The following SPEG variants were observed in gnomAD, a reference collection of about 807,000 sequenced individuals.
The protein encoded by SPEG is striated muscle enriched protein kinase.
Under a neutral mutation model 300.4 loss-of-function variants are expected in SPEG, and 114 were observed. That is an observed-to-expected ratio of 0.38 (90% confidence interval 0.33 to 0.44). The LOEUF is 0.44. Among genes scored for constraint, SPEG ranks in the 20% least tolerant of loss-of-function variants. The probability of loss-of-function intolerance (pLI) is 1.00; values close to 1 mark genes in which losing one functional copy is unlikely to be tolerated. For synonymous variants in SPEG, 1,964 were observed against 2,018.9 expected (o/e 0.97, Z 0.73); for missense variants, 4,201 against 4,586.2 (o/e 0.92, Z 2.43).
In SPEG at chr2:219,481,335, A is replaced by C; in HGVS notation, c.5401A>C (p.Asn1801His). The change falls in exon 27 of 41, where the codon AAT (asparagine) becomes CAT (histidine). Residue 1801 changes from asparagine (N) to histidine (H), a missense_variant. Physicochemically the swap from Asn to His is moderately conservative, Grantham distance 68. Coordinates refer to ENST00000312358, the MANE Select transcript of SPEG (RefSeq NM_005876.5). This position sits in a 1 kb window ranked among gnomAD's most constrained non-coding sequence, Gnocchi z 5.4. ...AGGAATCTCCCCGTTTGTTGGGGAA[A>C]ATGACCGGACAACATTGATGAACAT... ...LTGISPFVGENDRTTLMNIRN... is the reference protein window; with the variant it reads ...LTGISPFVGEHDRTTLMNIRN... The C allele has an allele frequency of 6.2e-7, 1 of 1,614,138 alleles. No individual in the cohort carries two copies.
intron 6 of SPEG, chr2:219,460,828 C>T: frequency 1.0e-6 from 1 of 986,224 alleles, no homozygotes; most frequent in African/African-American, 1.7e-5. Flanking sequence ...CGTGCAGGGC[C>T]TCAGCTGGGT....
rs1692050384 is a variant in SPEG at position 219,473,241 on chromosome 2, C to T, written c.4147+145C>T. Reference sequence around the variant, plus strand: ...GGCGGGACCTTGGCCCATCTGTACACTTCCTTCTCCCTCCTGAAAGCAGCA... The same window carrying T: ...GGCGGGACCTTGGCCCATCTGTACATTTCCTTCTCCCTCCTGAAAGCAGCA... On this transcript the variant is annotated intron_variant, in intron 16 of 40. Transcript: ENST00000312358. The surrounding 1 kb of genome is among the most constrained non-coding windows in gnomAD (Gnocchi z 4.6). 2 of 827,798 alleles carry T rather than the reference C, an allele frequency of 2.4e-6. No homozygotes were observed. Among genetic ancestry groups the T allele is most frequent in the Non-Finnish European group, 1.9e-6 (1 of 535,646 alleles). 51.3% of individuals were successfully genotyped at this position (827,798 alleles called of 1,614,324 possible).
At chr2:219,446,051 T>A (rs1575048435) in intron 3 of SPEG, among the ~76,000 whole-genome samples, 2 of 146,296 alleles carry the variant, frequency 1.4e-5, no homozygotes, top group Non-Finnish European at 3.0e-5. Context: ...TTGTGATGGG[T>A]ATGGGTGTGG....
chr2:219,475,681 T>C (rs1692272311), intron 18 of SPEG, among the ~76,000 whole-genome samples: 1 of 152,204 alleles, frequency 6.6e-6, no homozygotes, highest in South Asian at 2.1e-4. Context: ...GCCCTGAAGT[T>C]TGGGGAGCCC....
chr2:219,441,622 C>G (rs193233320), intron 1 of SPEG: 1 of 469,396 alleles, frequency 2.1e-6, no homozygotes, highest in African/African-American at 2.0e-5. Context: ...CTGCGCTGGG[C>G]TGCCAGAAAG....
At chr2:219,463,748 T>C (rs186157917) in intron 8 of SPEG, among the ~76,000 whole-genome samples, 5 of 151,908 alleles carry the variant, frequency 3.3e-5, no homozygotes, top group Admixed American at 3.3e-4. Context: ...TTTTTTCATA[T>C]CCCTTTTGGG....
intron 1 of SPEG, among the ~76,000 whole-genome samples, chr2:219,441,250 C>G (rs1008334094): frequency 2.0e-5 from 3 of 152,190 alleles, no homozygotes; most frequent in African/African-American, 7.2e-5. Flanking sequence ...TGATTGAGAA[C>G]ACTGGCCAAC....
chr2:219,452,752 GACATGCCAAGAGGGGGA>G (rs1207842635), intron 6 of SPEG, among the ~76,000 whole-genome samples: 1 of 152,160 alleles, frequency 6.6e-6, no homozygotes, highest in Non-Finnish European at 1.5e-5. Flanking sequence ...GGGAAGGCGG[GACATGCCAAGAGGGGGA>G]ACAGCACATG....
chr2:219,476,701 T>A (rs1692374336), intron 18 of SPEG, among the ~76,000 whole-genome samples, 169 bp from the exon 19 acceptor site: 1 of 146,142 alleles, frequency 6.8e-6, no homozygotes, highest in East Asian at 2.1e-4. Context: ...GGCAGGGAAC[T>A]CTGTTGTCCC....
chr2:219,451,323 G>C lies in SPEG; in HGVS notation c.2257+44G>C. The C allele has an allele frequency of 6.4e-7, 1 of 1,560,934 alleles. No individual in the cohort carries two copies. Among genetic ancestry groups the C allele is most frequent in the Non-Finnish European group, 8.6e-7 (1 of 1,156,322 alleles). ...CCAAGGTGCGGTCGAGGTTGGGAGGGGGTGTGTGAGAAGGGAAGGGGAGGT... is the reference window on the plus strand; with the variant it reads ...CCAAGGTGCGGTCGAGGTTGGGAGGCGGTGTGTGAGAAGGGAAGGGGAGGT... On this transcript the variant is annotated intron_variant, in intron 5 of 40. Transcript: ENST00000312358. This position sits in a 1 kb window ranked among gnomAD's most constrained non-coding sequence, Gnocchi z 6.4.
At chr2:219,455,522 C>A (rs886288300) in intron 6 of SPEG, among the ~76,000 whole-genome samples, 3 of 152,148 alleles carry the variant, frequency 2.0e-5, no homozygotes, top group Admixed American at 6.5e-5. Flanking sequence ...TGGCTGCCTT[C>A]TTGGGATGGT....
Position 219,444,637 on chromosome 2 carries a change from AC to A in SPEG, c.389-12del. The A allele has an allele frequency of 6.2e-7, 1 of 1,607,880 alleles. No individual in the cohort carries two copies. The highest frequency in any genetic ancestry group is 8.5e-7 in the Non-Finnish European group (1 of 1,174,516). On this transcript the variant is annotated splice_polypyrimidine_tract_variant and intron_variant, in intron 1 of 40. Transcript: ENST00000312358. This position sits in a 1 kb window ranked among gnomAD's most constrained non-coding sequence, Gnocchi z 7.8. ...AGGGAGGAGGGCCCTGCCCACACAGACCCCTTCTTCTCCAGACTCAGAGACG... is the reference window on the plus strand; with the variant it reads ...AGGGAGGAGGGCCCTGCCCACACAGACCCTTCTTCTCCAGACTCAGAGACG...
At chr2:219,485,517 C>A (rs765411168) in intron 31 of SPEG, 40 bp downstream of exon 31, 1 of 1,508,554 alleles carries the variant, frequency 6.6e-7, no homozygotes, top group Admixed American at 2.2e-5. Context: ...TCCTCCCCTC[C>A]TGCCCTCCCC....
Position 219,488,489 on chromosome 2 carries a change from T to C in SPEG, c.7859-9T>C. 1 of 1,559,066 alleles carries C rather than the reference T, an allele frequency of 6.4e-7. No homozygotes were observed. Among genetic ancestry groups the C allele is most frequent in the South Asian group, 1.2e-5 (1 of 82,704 alleles). ...CTCAGCAGCAACTCCTGCTCCTCCC[T>C]GTCCCCAGACAAGAAGTCCTTGAGG... On this transcript the variant is annotated splice_polypyrimidine_tract_variant and intron_variant, in intron 32 of 40. Coordinates refer to ENST00000312358, the MANE Select transcript of SPEG (RefSeq NM_005876.5).
In SPEG at chr2:219,485,334, G is replaced by A; in HGVS notation, c.7610-12G>A. The A allele has an allele frequency of 6.2e-7, 1 of 1,602,696 alleles. No homozygotes were observed. On this transcript the variant is annotated splice_polypyrimidine_tract_variant and intron_variant, in intron 30 of 40. Coordinates refer to ENST00000312358, the MANE Select transcript of SPEG (RefSeq NM_005876.5). ...TGACTGAACAAATACTCACGGGCCT[G>A]AGTCTTCACAGCCCCAGGGGAAAGC...
chr2:219,483,759 C>T lies in SPEG; in HGVS notation c.6296C>T (p.Ala2099Val). The change falls in exon 30 of 41, where the codon GCT (alanine) becomes GTT (valine). Residue 2099 changes from alanine to valine, a missense_variant. By Grantham distance (64) the Ala-to-Val change is moderately conservative. Coordinates refer to ENST00000312358, the MANE Select transcript of SPEG (RefSeq NM_005876.5). Reference sequence around the variant, plus strand: ...CTGCTGGAGAGCCTGGGGGGCCGTGCTCGGGACCCCCGGATGGCACGAGCT... The same window carrying T: ...CTGCTGGAGAGCCTGGGGGGCCGTGTTCGGGACCCCCGGATGGCACGAGCT... ...GPLLESLGGR[A>V]RDPRMARAAS... The T allele has an allele frequency of 6.5e-7, 1 of 1,545,944 alleles. No homozygotes were observed. Among genetic ancestry groups the T allele is most frequent in the Non-Finnish European group, 8.7e-7 (1 of 1,152,904 alleles).
At chr2:219,436,399 C>G (rs555911711) in intron 1 of SPEG, among the ~76,000 whole-genome samples, 16 of 152,376 alleles carry the variant, frequency 1.1e-4, no homozygotes, top group African/African-American at 3.6e-4. Flanking sequence ...CTTGGGCAGG[C>G]TGCGCCTTGA....
intron 6 of SPEG, among the ~76,000 whole-genome samples, chr2:219,454,446 C>T (rs1479706568): frequency 2.6e-5 from 4 of 152,208 alleles, no homozygotes; most frequent in Non-Finnish European, 4.4e-5. Context: ...CCACATCCAT[C>T]ACACAAGTAT....
intron 9 of SPEG, chr2:219,466,447 A>T: frequency 8.1e-7 from 1 of 1,228,612 alleles, no homozygotes; most frequent in Non-Finnish European, 1.0e-6. Flanking sequence ...TGTGACAGTC[A>T]GGGAAGGATG....
Sources: allele counts gnomAD v4.1 joint callset (sites outside exome capture counted in the v4.1 genomes callset), GRCh38; gene constraint gnomAD v4.1.1; non-coding constraint Gnocchi (gnomAD v3.1); transcripts MANE v1.5; gene names NCBI Gene and HGNC (gene_info 2026-07-23, HGNC 2026-07-21).